The following CPSF6 variants were observed in gnomAD, a reference collection of about 807,000 sequenced individuals.
CPSF6 encodes the protein cleavage and polyadenylation specificity factor subunit 6.
In CPSF6, 10 loss-of-function variants were observed where a neutral mutation model predicts 56.7. The observed-to-expected ratio is 0.18, with a 90% CI of 0.11 to 0.30. CPSF6 has a LOEUF of 0.30. CPSF6 is among the 10% of genes least tolerant of loss of function. The pLI is 1.00. For missense variants in CPSF6, 419 were observed against 722.9 expected (o/e 0.58, Z 4.82); for synonymous variants, 248 against 244.8 (o/e 1.01, Z -0.12).
intron 3 of CPSF6, among the ~76,000 whole-genome samples, chr12:69,255,728 G>A (rs932691388): frequency 2.6e-5 from 4 of 152,076 alleles, no homozygotes; most frequent in African/African-American, 9.7e-5. Flanking sequence ...TAGTAGAGAC[G>A]GGGTTTCACC....
chr12:69,254,087 A>G (rs1467064345), intron 3 of CPSF6, among the ~76,000 whole-genome samples: 2 of 152,180 alleles, frequency 1.3e-5, no homozygotes, highest in Non-Finnish European at 2.9e-5. Context: ...CACTTGGTCA[A>G]AGCCACTATC....
chr12:69,260,974 A>C (rs754212329), intron 8 of CPSF6, among the ~76,000 whole-genome samples: 2 of 152,186 alleles, frequency 1.3e-5, no homozygotes, highest in Non-Finnish European at 2.9e-5. Flanking sequence ...TGCTAAATAA[A>C]AATTTCTCGA....
chr12:69,249,023 G>A (rs1334127538), intron 1 of CPSF6, among the ~76,000 whole-genome samples: 1 of 151,710 alleles, frequency 6.6e-6, no homozygotes. Flanking sequence ...GAGGCGGGCG[G>A]ATCACGAGGT....
intron 1 of CPSF6, among the ~76,000 whole-genome samples, chr12:69,244,239 G>A: frequency 6.6e-6 from 1 of 150,934 alleles, no homozygotes; most frequent in East Asian, 1.9e-4. Context: ...TCTTTTTTTT[G>A]TTTTGTTTTG....
intron 1 of CPSF6, 75 bp downstream of exon 1, chr12:69,239,781 G>A: frequency 7.1e-7 from 1 of 1,410,116 alleles, no homozygotes; most frequent in East Asian, 3.0e-5. Context: ...GGCCCGCTGC[G>A]GCCGCGAGCC....
Position 69,253,136 on chromosome 12 carries a change from C to T in CPSF6, c.356C>T (p.Ala119Val). ...GAGATAAAATTTTTTGAAAATCGGG[C>T]AAATGGCCAGTCAAAGGGGTAAGTT... ...ILEIKFFENRANGQSKGFALV... is the reference protein window; with the variant it reads ...ILEIKFFENRVNGQSKGFALV... Residue 119 changes from alanine to valine, a missense_variant, in exon 3 of 10, where the codon GCA (alanine) becomes GTA (valine). By Grantham distance (64) the Ala-to-Val change is moderately conservative. Around this residue, in one of 4 missense-constraint regions of CPSF6, gnomAD observed 125 missense variants for 216.4 expected, o/e 0.58. Coordinates refer to ENST00000435070, the MANE Select transcript of CPSF6 (RefSeq NM_007007.3). 1 of 1,575,506 alleles carries T rather than the reference C, an allele frequency of 6.3e-7. No homozygotes were observed. The highest frequency in any genetic ancestry group is 1.2e-5 in the South Asian group (1 of 86,102).
intron 9 of CPSF6, among the ~76,000 whole-genome samples, chr12:69,263,069 C>G (rs1054820478): frequency 5.7e-5 from 8 of 139,582 alleles, no homozygotes; most frequent in Non-Finnish European, 1.2e-4. Context: ...TCTCAACATT[C>G]AAAGAGAATT....
intron 9 of CPSF6, among the ~76,000 whole-genome samples, chr12:69,264,733 A>G (rs1872892435): frequency 6.6e-6 from 1 of 152,166 alleles, no homozygotes; most frequent in South Asian, 2.1e-4. Flanking sequence ...ATCAAACAGT[A>G]TTGTGGATGT....
chr12:69,262,484 A>G lies in CPSF6; in HGVS notation c.1581A>G (p.Glu527=), dbSNP rs779072272. 4 of 1,614,002 alleles carry G rather than the reference A, an allele frequency of 2.5e-6. No homozygotes were observed. The Admixed American group carries it at 6.7e-5, about 27-fold the overall frequency. ...ATTATTACAGAGAGAGAAGCAGAGA[A>G]CGAGAGAGGCACCGGGATCGTGACC... is the stretch of plus-strand genomic sequence containing the variant. ...HDDYYRERSR[E]RERHRDRDRD... The change falls in exon 9 of 10, where the codon GAA becomes GAG. Residue 527 remains glutamate (E), a synonymous_variant. Coordinates refer to ENST00000435070, the MANE Select transcript of CPSF6 (RefSeq NM_007007.3).
At chr12:69,265,832 C>A (rs191740956) in intron 9 of CPSF6, among the ~76,000 whole-genome samples, 2 of 151,954 alleles carry the variant, frequency 1.3e-5, no homozygotes, top group South Asian at 2.1e-4. Context: ...AAACTCCCGA[C>A]GTCAGGTGAT....
chr12:69,253,760 CCT>C (rs1255280618), intron 3 of CPSF6, among the ~76,000 whole-genome samples: 1 of 151,964 alleles, frequency 6.6e-6, no homozygotes, highest in East Asian at 1.9e-4. Flanking sequence ...AAATACACAT[CCT>C]CTCTAATGTC....
chr12:69,240,552 A>G (rs1293633200), intron 1 of CPSF6, among the ~76,000 whole-genome samples: 1 of 152,178 alleles, frequency 6.6e-6, no homozygotes, highest in Non-Finnish European at 1.5e-5. Context: ...GGATGGAACA[A>G]AAAGATGTTA....
chr12:69,247,806 G>T (rs1871992982), intron 1 of CPSF6, among the ~76,000 whole-genome samples: 1 of 152,130 alleles, frequency 6.6e-6, no homozygotes, highest in South Asian at 2.1e-4. Flanking sequence ...TAAAAGGAAG[G>T]TTACTGATAA....
Position 69,258,435 on chromosome 12 carries a change from G to A in CPSF6, c.695-155G>A, listed in dbSNP as rs114340114. 3.2e-3 allele frequency among the ~76,000 whole-genome samples: 488 copies of A among 152,282 alleles called. 1 individual carries two copies. The highest frequency in any genetic ancestry group is 0.011 in the African/African-American group (465 of 41,554). On this transcript the variant is annotated intron_variant, in intron 5 of 9. Coordinates refer to ENST00000435070, the MANE Select transcript of CPSF6 (RefSeq NM_007007.3). The surrounding 1 kb of genome is among the most constrained non-coding windows in gnomAD (Gnocchi z 4.2). ...TAAATTTGTAAGGATATACTTCATT[G>A]TAGTTGGTAGTGTAACATTTACCAT...
intron 3 of CPSF6, among the ~76,000 whole-genome samples, chr12:69,253,399 A>G (rs1016004439): frequency 2.0e-5 from 3 of 152,118 alleles, no homozygotes; most frequent in East Asian, 1.9e-4. Context: ...ATTTTTCCCA[A>G]GTTTTCTCTA....
chr12:69,242,029 C>G (rs992509595), intron 1 of CPSF6, among the ~76,000 whole-genome samples: 29 of 151,406 alleles, frequency 1.9e-4, no homozygotes, highest in African/African-American at 6.3e-4. Flanking sequence ...AAAATCTTAC[C>G]AGAATTAGAG....
chr12:69,263,951 C>T (rs903090266), intron 9 of CPSF6, among the ~76,000 whole-genome samples: 1 of 151,932 alleles, frequency 6.6e-6, no homozygotes, highest in Non-Finnish European at 1.5e-5. Context: ...TCAAAACATT[C>T]TTTTAATATG....
chr12:69,251,026 T>G (rs1872217831), intron 1 of CPSF6, 103 bp from the exon 2 acceptor site: 1 of 1,165,418 alleles, frequency 8.6e-7, no homozygotes, highest in African/African-American at 1.5e-5. Context: ...TCCTTGGCCT[T>G]TTTCCATCAG....
intron 1 of CPSF6, among the ~76,000 whole-genome samples, chr12:69,247,165 AG>A (rs1871953649): frequency 6.6e-6 from 1 of 152,216 alleles, no homozygotes; most frequent in African/African-American, 2.4e-5. Context: ...GGGAGGAGAC[AG>A]GGATAATGAA....
Sources: gnomAD v4.1 joint callset for allele counts (sites outside exome capture counted in the v4.1 genomes callset) on GRCh38, gnomAD v4.1.1 for gene constraint, gnomAD v4.1.1 regional missense constraint, Gnocchi (gnomAD v3.1) non-coding constraint, MANE v1.5 for transcripts, NCBI Gene and HGNC (gene_info 2026-07-23, HGNC 2026-07-21) for gene names.